Variants in SLC12A8 observed in about 807,000 individuals in gnomAD.
SLC12A8 encodes solute carrier family 12 member 8, also known as cation-chloride cotransporter 9.
Under a neutral mutation model 75.6 loss-of-function variants are expected in SLC12A8, and 69 were observed. The ratio of observed to expected loss-of-function variants is 0.91; its 90% CI spans 0.75 to 1.11. SLC12A8 has a LOEUF of 1.11. Ranked by LOEUF, SLC12A8 falls within the 50% of genes most tolerant of loss-of-function variation. SLC12A8 has a pLI of 0.00. For missense variants in SLC12A8, 877 were observed against 896.7 expected, an observed-to-expected ratio of 0.98 and a Z score of 0.28; for synonymous variants, 365 against 372.8, an observed-to-expected ratio of 0.98 and a Z score of 0.24.
intron 5 of SLC12A8, among the ~76,000 whole-genome samples, chr3:125,137,276 C>G (rs1933516371): frequency 6.6e-6 from 1 of 152,156 alleles, no homozygotes; most frequent in African/African-American, 2.4e-5. Flanking sequence ...GCACAAGGGA[C>G]CCTTGGGAGT....
intron 8 of SLC12A8, 62 bp downstream of exon 8, chr3:125,118,707 G>T: frequency 8.1e-7 from 1 of 1,231,942 alleles, no homozygotes; most frequent in Non-Finnish European, 1.2e-6. Context: ...GCCATTTGTT[G>T]GTGAGAACAA....
chr3:125,204,268 G>A (rs1245313772), intron 2 of SLC12A8, among the ~76,000 whole-genome samples: 1 of 152,170 alleles, frequency 6.6e-6, no homozygotes, highest in Non-Finnish European at 1.5e-5. Context: ...GTATATCAAA[G>A]GGATGCCTGC....
intron 5 of SLC12A8, among the ~76,000 whole-genome samples, chr3:125,144,328 T>A (rs1269201141): frequency 6.6e-6 from 1 of 152,192 alleles, no homozygotes; most frequent in Non-Finnish European, 1.5e-5. Flanking sequence ...GAGAGGCAAC[T>A]GGGATTCAAA....
chr3:125,208,145 A>G (rs1324875660), intron 2 of SLC12A8, among the ~76,000 whole-genome samples: 1 of 152,200 alleles, frequency 6.6e-6, no homozygotes, highest in Non-Finnish European at 1.5e-5. Context: ...GGCCCCTGGA[A>G]CAAGGCTTGG....
intron 5 of SLC12A8, among the ~76,000 whole-genome samples, chr3:125,157,537 A>G (rs1250721020): frequency 6.6e-6 from 1 of 152,114 alleles, no homozygotes; most frequent in Non-Finnish European, 1.5e-5. Context: ...TCTCTCTTGA[A>G]CCTGAAAAGG....
At chr3:125,208,430 T>C (rs1003901477) in intron 2 of SLC12A8, among the ~76,000 whole-genome samples, 2 of 152,194 alleles carry the variant, frequency 1.3e-5, no homozygotes, top group African/African-American at 4.8e-5. Context: ...CTGGATTAAA[T>C]ACATACTCCC....
intron 2 of SLC12A8, among the ~76,000 whole-genome samples, chr3:125,198,098 G>A (rs1201505048): frequency 6.6e-6 from 1 of 152,142 alleles, no homozygotes; most frequent in Non-Finnish European, 1.5e-5. Flanking sequence ...CTGCATCACT[G>A]CTATGGTGTT....
Position 125,120,684 on chromosome 3 carries a change from C to T in SLC12A8, c.739G>A (p.Val247Ile), listed in dbSNP as rs377176793. The stretch of plus-strand genomic sequence containing the variant: ...CCCCCCATGTTGAAGCCGGCCATGA[C>T]TCCTGAAAGACACCCAGATGGGGAA... Reference protein sequence around the residue: ...FGVFFPAATGVMAGFNMGGDL... With the variant: ...FGVFFPAATGIMAGFNMGGDL... Residue 247 changes from valine (V) to isoleucine (I), a missense_variant and splice_region_variant, in exon 7 of 14, where the codon GTC (valine) becomes ATC (isoleucine). By Grantham distance (29) the Val-to-Ile change is conservative. Transcript: ENST00000469902. The T allele has an allele frequency of 7.4e-6, 12 of 1,613,284 alleles. No homozygotes were observed. The African/African-American group carries it at 1.3e-4, about 18-fold the overall frequency.
chr3:125,143,657 C>A (rs928559885), intron 5 of SLC12A8, among the ~76,000 whole-genome samples: 4 of 152,236 alleles, frequency 2.6e-5, no homozygotes, highest in Admixed American at 2.6e-4. Context: ...GCCCAGCCTG[C>A]CTAGAAAGGA....
intron 10 of SLC12A8, among the ~76,000 whole-genome samples, chr3:125,101,631 TA>T (rs751873068): frequency 6.6e-6 from 1 of 152,252 alleles, no homozygotes; most frequent in East Asian, 1.9e-4. Flanking sequence ...TCTACGTAGT[TA>T]AAAAATCTCT....
intron 12 of SLC12A8, among the ~76,000 whole-genome samples, chr3:125,089,228 C>T (rs920402838): frequency 6.6e-6 from 1 of 152,058 alleles, no homozygotes; most frequent in African/African-American, 2.4e-5. Flanking sequence ...TCATTTAGGC[C>T]CTTATGGCTA....
intron 5 of SLC12A8, among the ~76,000 whole-genome samples, chr3:125,145,867 A>T (rs936141303): frequency 5.9e-5 from 9 of 151,994 alleles, no homozygotes; most frequent in Non-Finnish European, 1.3e-4. Context: ...TTGCTCTGTC[A>T]CCCCATCTGG....
At chr3:125,102,716 C>T (rs557118943) in intron 10 of SLC12A8, among the ~76,000 whole-genome samples, 8 of 152,106 alleles carry the variant, frequency 5.3e-5, no homozygotes, top group Non-Finnish European at 7.4e-5. Context: ...AGACTGTCCA[C>T]GTCTCTCCTG....
At position 125,190,428 on chromosome 3, in the gene SLC12A8, A is replaced by G. The variant is rs747234885; in HGVS notation, c.145T>C (p.Cys49Arg). ...FGTWDGVFTS[C>R]MINIFGVVLF... Reference sequence around the variant, plus strand: ...ACAACCCCAAAGATGTTGATCATGCAGGATGTGAACACACCATCCCAGGTC... The same window carrying G: ...ACAACCCCAAAGATGTTGATCATGCGGGATGTGAACACACCATCCCAGGTC... The change falls in exon 3 of 14, where the codon TGC becomes CGC. Residue 49 changes from cysteine to arginine, a missense_variant. Cys to Arg is a radical substitution (Grantham distance 180). Transcript: ENST00000469902. 4 of 1,614,094 alleles carry G rather than the reference A, an allele frequency of 2.5e-6. No individual in the cohort carries two copies. Among genetic ancestry groups the G allele is most frequent in the Admixed American group, 3.3e-5 (2 of 60,006 alleles).
At chr3:125,165,484 C>G (rs1278811211) in intron 5 of SLC12A8, among the ~76,000 whole-genome samples, 1 of 152,210 alleles carries the variant, frequency 6.6e-6, no homozygotes, top group African/African-American at 2.4e-5. Flanking sequence ...AAGGGAGCCA[C>G]AAAGGAGACT....
chr3:125,160,099 T>C (rs1021899556), intron 5 of SLC12A8, among the ~76,000 whole-genome samples: 1 of 152,190 alleles, frequency 6.6e-6, no homozygotes, highest in African/African-American at 2.4e-5. Context: ...TGCACCACCA[T>C]GTCCAGCTAA....
intron 10 of SLC12A8, among the ~76,000 whole-genome samples, chr3:125,099,603 T>A (rs942441275): frequency 1.3e-5 from 2 of 152,216 alleles, no homozygotes; most frequent in Non-Finnish European, 2.9e-5. Context: ...CGGATGACAA[T>A]GACTTTAAAA....
chr3:125,133,369 A>G (rs1055478504), intron 6 of SLC12A8, among the ~76,000 whole-genome samples: 2 of 86,702 alleles, frequency 2.3e-5, no homozygotes, highest in East Asian at 9.0e-4. Flanking sequence ...ACACGCACAC[A>G]CACACACACA....
chr3:125,125,113 T>C (rs931841386), intron 6 of SLC12A8, among the ~76,000 whole-genome samples: 4 of 120,992 alleles, frequency 3.3e-5, no homozygotes, highest in Admixed American at 1.8e-4. Flanking sequence ...TTATTTGGCA[T>C]TGAACCCTTT....
Sources: gnomAD v4.1 joint callset for allele counts (sites outside exome capture counted in the v4.1 genomes callset) on GRCh38, gnomAD v4.1.1 for gene constraint, MANE v1.5 for transcripts, NCBI Gene and HGNC (gene_info 2026-07-23, HGNC 2026-07-21) for gene names.